The following AAMDC variants were observed in gnomAD, a reference collection of about 807,000 sequenced individuals.
AAMDC encodes the protein adipogenesis associated Mth938 domain containing.
In AAMDC, 16 loss-of-function variants were observed where a neutral mutation model predicts 15.5. The observed-to-expected ratio is 1.03, with a 90% CI of 0.70 to 1.57. The LOEUF is 1.57. Ranked by LOEUF, AAMDC falls within the 40% of genes most tolerant of loss-of-function variation. The pLI is 0.00. For missense variants in AAMDC, 141 were observed against 144.9 expected, an observed-to-expected ratio of 0.97 and a Z score of 0.14; for synonymous variants, 51 against 51.6, an observed-to-expected ratio of 0.99 and a Z score of 0.05.
chr11:77,848,354 A>G (rs2136173176), intron 2 of AAMDC, among the ~76,000 whole-genome samples: 1 of 152,012 alleles, frequency 6.6e-6, no homozygotes, highest in South Asian at 2.1e-4. Context: ...TAATATTACC[A>G]TTAACCTCAT....
rs557521361 is a variant in AAMDC at position 77,838,774 on chromosome 11, G to A, written c.-18-3705G>A. On this transcript the variant is annotated intron_variant, in intron 1 of 3. Transcript: ENST00000393427. ...TGAGACTACAGGCGCCCACCACTGC[G>A]CCCAGCTATTTTTTTGTATTTTTAG... 9.9e-5 allele frequency among the ~76,000 whole-genome samples: 15 copies of A among 151,956 alleles called. No individual in the cohort carries two copies. The South Asian group carries it at 2.1e-3, about 21-fold the overall frequency.
intron 2 of AAMDC, among the ~76,000 whole-genome samples, chr11:77,863,023 GT>G (rs1268312269): frequency 2.6e-5 from 4 of 152,080 alleles, no homozygotes; most frequent in Admixed American, 2.6e-4. Context: ...TCCTAATGTG[GT>G]GGTGGGCCGC....
At chr11:77,885,275 C>T (rs1348447006) in intron 5 of AAMDC, among the ~76,000 whole-genome samples, 1 of 151,846 alleles carries the variant, frequency 6.6e-6, no homozygotes, top group South Asian at 2.1e-4. Flanking sequence ...TGGGGTTTCA[C>T]CATGTTGGCC....
intron 5 of AAMDC, among the ~76,000 whole-genome samples, chr11:77,887,585 G>A (rs1300994307): frequency 6.6e-6 from 1 of 152,148 alleles, no homozygotes; most frequent in Admixed American, 6.6e-5. Context: ...AATTAGGTAG[G>A]AGAAGGAAAT....
At chr11:77,838,615 C>CTTT (rs34851335) in intron 1 of AAMDC, among the ~76,000 whole-genome samples, 15,494 of 129,048 alleles carry the variant, frequency 0.12, 1,092 homozygotes, top group Admixed American at 0.16. Flanking sequence ...ATACAAGTAC[C>CTTT]TTTTTTTTTT....
At position 77,879,155 on chromosome 11, in the gene AAMDC, A is replaced by G. The variant is rs770301745; in HGVS notation, c.328+2106A>G. ...GAAAAAAAGATAAAAGAAATCCTCTATAACTAGGCAACTGCTAGGAATGAG... is the reference window on the plus strand; with the variant it reads ...GAAAAAAAGATAAAAGAAATCCTCTGTAACTAGGCAACTGCTAGGAATGAG... On this transcript the variant is annotated intron_variant, in intron 5 of 5. Transcript: ENST00000304716. The G allele has an allele frequency of 1.4e-5, 22 of 1,610,926 alleles. No individual in the cohort carries two copies. In the East Asian group the frequency reaches 3.8e-4, roughly 28 times the overall value.
At chr11:77,868,365 T>C in intron 2 of AAMDC, among the ~76,000 whole-genome samples, 1 of 147,650 alleles carries the variant, frequency 6.8e-6, no homozygotes. Context: ...GCCTTTTTTT[T>C]TTTTTTTTTT....
intron 1 of AAMDC, among the ~76,000 whole-genome samples, chr11:77,832,989 GTGTGTGTGTATA>G (rs1442143357): frequency 1.7e-4 from 5 of 29,146 alleles, no homozygotes; most frequent in African/African-American, 1.1e-3. Flanking sequence ...GTGTGTGTGT[GTGTGTGTGTATA>G]TATATATATT....
At chr11:77,878,654 G>A (rs1951673965) in intron 5 of AAMDC, 2 of 642,878 alleles carry the variant, frequency 3.1e-6, no homozygotes, top group South Asian at 1.8e-5. Flanking sequence ...TAGCATGTAA[G>A]CACGTAGTAT....
At chr11:77,876,329 C>A (rs893984295), downstream of AAMDC, among the ~76,000 whole-genome samples, 1 of 151,896 alleles carries the variant, frequency 6.6e-6, no homozygotes, top group African/African-American at 2.4e-5. Flanking sequence ...TCTGGGCCTG[C>A]GTATTCATTT....
intron 2 of AAMDC, among the ~76,000 whole-genome samples, chr11:77,850,330 C>T (rs926238587): frequency 1.3e-5 from 2 of 152,114 alleles, no homozygotes; most frequent in African/African-American, 4.8e-5. Context: ...ATAACTTTTC[C>T]AGGGTCACAT....
At chr11:77,876,689 G>C (rs1286679330), downstream of AAMDC, among the ~76,000 whole-genome samples, 6 of 152,060 alleles carry the variant, frequency 3.9e-5, no homozygotes, top group Non-Finnish European at 8.8e-5. Flanking sequence ...CTGTCCCTTA[G>C]TGCATGTCTA....
chr11:77,882,603 C>A (rs868790485), intron 5 of AAMDC, among the ~76,000 whole-genome samples: 2 of 152,288 alleles, frequency 1.3e-5, no homozygotes, highest in African/African-American at 4.8e-5. Flanking sequence ...ACATTCCAGG[C>A]AGCCAGATTA....
At chr11:77,827,120 G>A (rs1226168203) in intron 1 of AAMDC, among the ~76,000 whole-genome samples, 3 of 151,422 alleles carry the variant, frequency 2.0e-5, no homozygotes, top group African/African-American at 4.8e-5. Context: ...AAAAAAAATC[G>A]AATTGGGAAT....
intron 2 of AAMDC, among the ~76,000 whole-genome samples, chr11:77,860,765 T>G (rs1290949327): frequency 4.6e-5 from 7 of 152,172 alleles, no homozygotes; most frequent in Non-Finnish European, 1.5e-5. Context: ...TGTACAGGGA[T>G]GCAGAAAAAG....
Position 77,827,084 on chromosome 11 carries a change from G to A in AAMDC, c.-19+5843G>A, listed in dbSNP as rs200650434. ...GGGGCCACTGCACTTCAGCCTGGGTGACAGAGCGAAACTCGTCTCAAAAAA... is the reference window on the plus strand; with the variant it reads ...GGGGCCACTGCACTTCAGCCTGGGTAACAGAGCGAAACTCGTCTCAAAAAA... On this transcript the variant is annotated intron_variant, in intron 1 of 3. Coordinates refer to ENST00000393427, the MANE Select transcript of AAMDC (RefSeq NM_024684.4). 2.7e-5 allele frequency among the ~76,000 whole-genome samples: 4 copies of A among 149,840 alleles called. No individual in the cohort carries two copies. The East Asian group carries it at 5.9e-4, about 22-fold the overall frequency.
chr11:77,875,799 C>A (rs1239736283), downstream of AAMDC, among the ~76,000 whole-genome samples: 2 of 152,126 alleles, frequency 1.3e-5, no homozygotes, highest in Non-Finnish European at 2.9e-5. Context: ...AGGAAAGAAC[C>A]ACAGGAGACA....
At chr11:77,866,926 C>T (rs541675627) in intron 2 of AAMDC, among the ~76,000 whole-genome samples, 11 of 152,140 alleles carry the variant, frequency 7.2e-5, no homozygotes, top group African/African-American at 2.7e-4. Flanking sequence ...CTGCAACCTC[C>T]ACTTCCTGGG....
At chr11:77,874,307 C>T (rs1951539562), downstream of AAMDC, among the ~76,000 whole-genome samples, 1 of 152,048 alleles carries the variant, frequency 6.6e-6, no homozygotes. Flanking sequence ...GCTCATAAAG[C>T]CAGCCCTCTG....
Sources: gnomAD v4.1 joint callset for allele counts (sites outside exome capture counted in the v4.1 genomes callset) on GRCh38, gnomAD v4.1.1 for gene constraint, MANE v1.5 for transcripts, NCBI Gene and HGNC (gene_info 2026-07-23, HGNC 2026-07-21) for gene names.